Variants in CEMIP2 observed in about 807,000 individuals in gnomAD.
CEMIP2 encodes the protein cell surface hyaluronidase CEMIP2.
A neutral mutation model predicts 146.9 loss-of-function variants in CEMIP2; 79 were observed. The ratio of observed to expected loss-of-function variants is 0.54; its 90% CI spans 0.45 to 0.65. CEMIP2 has a LOEUF of 0.65. Ranked by LOEUF, CEMIP2 falls within the 30% of genes least tolerant of loss-of-function variation. The pLI, the probability that CEMIP2 is intolerant of heterozygous loss-of-function variation, is 0.00. For synonymous variants in CEMIP2, 601 were observed against 606.3 expected, an observed-to-expected ratio of 0.99 and a Z score of 0.13; for missense variants, 1,596 against 1,696.2, an observed-to-expected ratio of 0.94 and a Z score of 1.04.
intron 1 of CEMIP2, among the ~76,000 whole-genome samples, chr9:71,766,798 A>G (rs535520155): frequency 6.6e-6 from 1 of 152,330 alleles, no homozygotes; most frequent in East Asian, 1.9e-4. Flanking sequence ...ATTCGCTTCT[A>G]ATCTTAGTTT....
rs59985618 is a variant in CEMIP2, at chr9:71,732,686, A to ATTTTTTTTTTTT, written c.1394-178_1394-167dup. Among the ~76,000 whole-genome samples, 12 of 75,878 alleles carry ATTTTTTTTTTTT rather than the reference A, an allele frequency of 1.6e-4. 1 individual carries two copies. Among genetic ancestry groups the ATTTTTTTTTTTT allele is most frequent in the African/African-American group, 3.7e-4 (6 of 16,098 alleles). The allele number at this position is 75,878 out of a possible 152,430, so 49.8% of individuals were successfully genotyped here. A position where few individuals can be genotyped will look rare whatever the true frequency, so the allele number is the denominator to read the frequency against. On this transcript the variant is annotated intron_variant, in intron 6 of 23. Transcript: ENST00000377044. ...GAATCAGAATCCCAGGACACGGGGAATTTTTTTTTTTTTTTTTTTTTTTTT... is the reference window on the plus strand; with the variant it reads ...GAATCAGAATCCCAGGACACGGGGAATTTTTTTTTTTTTTTTTTTTTTTTTTTTTTTTTTTTT...
At position 71,725,038 on chromosome 9, in the gene CEMIP2, G is replaced by A. The variant is rs544769311; in HGVS notation, c.2178+543C>T. On this transcript the variant is annotated intron_variant, in intron 11 of 23. Coordinates refer to ENST00000377044, the MANE Select transcript of CEMIP2 (RefSeq NM_013390.3). ...GTATGTGTTGCACATACCTGTATGCGCAATAGGTATGTATAAATGGAATGC... is the reference window on the plus strand; with the variant it reads ...GTATGTGTTGCACATACCTGTATGCACAATAGGTATGTATAAATGGAATGC... Among the ~76,000 whole-genome samples, 31 of 136,570 alleles carry A rather than the reference G, an allele frequency of 2.3e-4. No homozygotes were observed. The South Asian group carries it at 5.7e-3, about 25-fold the overall frequency. The allele number at this position is 136,570 out of a possible 152,430, so 89.6% of individuals were successfully genotyped here.
At position 71,694,537 on chromosome 9, in the gene CEMIP2, G is replaced by A. The variant is rs754669637; in HGVS notation, c.3668C>T (p.Thr1223Ile). ...VQFQSPDKAE[T>I]QRGDPSVISV... ...AATAACAGACGGGTCTCCACGCTGG[G>A]TTTCTGCTTTATCAGGTGACTGGAA... The change falls in exon 21 of 24, where the codon ACC (threonine) becomes ATC (isoleucine). Residue 1223 changes from threonine (T) to isoleucine (I), a missense_variant. Physicochemically the swap from Thr to Ile is moderately conservative, Grantham distance 89. Coordinates refer to ENST00000377044, the MANE Select transcript of CEMIP2 (RefSeq NM_013390.3). 3.7e-6 allele frequency: 6 copies of A among 1,613,740 alleles called. No individual in the cohort carries two copies. Among genetic ancestry groups the A allele is most frequent in the Admixed American group, 3.3e-5 (2 of 59,992 alleles).
chr9:71,732,529 T>G lies in CEMIP2; in HGVS notation c.1394-9A>C, dbSNP rs567746520. 1 of 1,577,202 alleles carries G rather than the reference T, an allele frequency of 6.3e-7. No individual in the cohort carries two copies. Among genetic ancestry groups the G allele is most frequent in the African/African-American group, 1.4e-5 (1 of 72,486 alleles). ...CAGGAACTGAGGGGTTTCTGGTTGA[T>G]ATGAGCAAGGAAAAAAAAGAATATT... On this transcript the variant is annotated splice_polypyrimidine_tract_variant and intron_variant, in intron 6 of 23. Transcript: ENST00000377044.
chr9:71,748,691 A>G (rs1824158533), intron 2 of CEMIP2, among the ~76,000 whole-genome samples: 1 of 152,204 alleles, frequency 6.6e-6, no homozygotes, highest in Admixed American at 6.5e-5. Context: ...GTCATACCGC[A>G]TGCAATGGAA....
At chr9:71,748,832 A>G (rs750941998) in intron 2 of CEMIP2, among the ~76,000 whole-genome samples, 2 of 152,256 alleles carry the variant, frequency 1.3e-5, no homozygotes, top group Non-Finnish European at 2.9e-5. Flanking sequence ...TTAAAATTTT[A>G]AAAATCCCTT....
intron 7 of CEMIP2, among the ~76,000 whole-genome samples, chr9:71,731,731 C>A (rs1404002482): frequency 4.6e-4 from 64 of 138,478 alleles, no homozygotes; most frequent in Middle Eastern, 3.7e-3. Flanking sequence ...GACTGTATCT[C>A]AAAAAAAAAA....
At chr9:71,724,945 G>A (rs1208259214) in intron 11 of CEMIP2, among the ~76,000 whole-genome samples, 1 of 152,084 alleles carries the variant, frequency 6.6e-6, no homozygotes, top group Non-Finnish European at 1.5e-5. Context: ...GAGGTGAGAA[G>A]AAACAAGGGA....
At position 71,702,171 on chromosome 9, in the gene CEMIP2, T is replaced by C. The variant is rs564576570; in HGVS notation, c.3195-1347A>G. 7.3e-4 allele frequency among the ~76,000 whole-genome samples: 108 copies of C among 148,800 alleles called. 2 individuals carry two copies. The South Asian group carries it at 0.022, about 31-fold the overall frequency. On this transcript the variant is annotated intron_variant, in intron 18 of 23. Coordinates refer to ENST00000377044, the MANE Select transcript of CEMIP2 (RefSeq NM_013390.3). ...TACCTGGGAGGCTTAGGTAGGAGGATCAACTTAACCCAGGAGGCGGAGGTT... is the reference window on the plus strand; with the variant it reads ...TACCTGGGAGGCTTAGGTAGGAGGACCAACTTAACCCAGGAGGCGGAGGTT...
At chr9:71,723,563 C>A (rs1270418172) in intron 11 of CEMIP2, among the ~76,000 whole-genome samples, 1 of 152,134 alleles carries the variant, frequency 6.6e-6, no homozygotes, top group African/African-American at 2.4e-5. Flanking sequence ...ATTTTTGGTT[C>A]AGGCCACAGC....
intron 5 of CEMIP2, among the ~76,000 whole-genome samples, chr9:71,739,556 C>T (rs1181623708): frequency 6.6e-6 from 1 of 151,966 alleles, no homozygotes; most frequent in East Asian, 1.9e-4. Context: ...TTGATTCCAG[C>T]TTCCTCATCC....
chr9:71,732,686 A>ATTTTTTTTTTTTTTTTTTT (rs59985618), intron 6 of CEMIP2, among the ~76,000 whole-genome samples, 166 bp from the exon 7 acceptor site: 7 of 75,878 alleles, frequency 9.2e-5, no homozygotes, highest in African/African-American at 3.7e-4. Context: ...GACACGGGGA[A>ATTTTTTTTTTTTTTTTTTT]TTTTTTTTTT....
At chr9:71,689,173 G>A (rs1302247529) in intron 22 of CEMIP2, among the ~76,000 whole-genome samples, 1 of 152,174 alleles carries the variant, frequency 6.6e-6, no homozygotes, top group Non-Finnish European at 1.5e-5. Flanking sequence ...CTGTACAAGT[G>A]TCTTAAGCCA....
At position 71,746,081 on chromosome 9, in the gene CEMIP2, A is replaced by G. The variant is rs1824077762; in HGVS notation, c.472+120T>C. On this transcript the variant is annotated intron_variant, in intron 3 of 23. Transcript: ENST00000377044. ...GATCTTTCCAAATCTCCATGGTTAG[A>G]GTGACACCACAAACTAAAGCCTATT... is the stretch of plus-strand genomic sequence containing the variant. 1.0e-5 allele frequency: 11 copies of G among 1,104,504 alleles called. No individual in the cohort carries two copies. The South Asian group carries it at 1.8e-4, about 18-fold the overall frequency. 68.4% of individuals were successfully genotyped at this position (1,104,504 alleles called of 1,614,324 possible).
rs72737983 is a variant in CEMIP2, at chr9:71,736,642, T to A, written c.1205-1648A>T. Among the ~76,000 whole-genome samples the A allele has an allele frequency of 4.6e-3, 701 of 152,358 alleles. 43 individuals are homozygous for A. The South Asian group carries it at 0.12, about 27-fold the overall frequency. ...GAACTGAAAATCTGATCCAACTTCA[T>A]AACTTGGCTTCTTTTACATGCTATC... On this transcript the variant is annotated intron_variant, in intron 5 of 23. Transcript: ENST00000377044.
At position 71,762,503 on chromosome 9, in the gene CEMIP2, C is replaced by CAAAAAAAAAAAAAA. The variant is rs58090104; in HGVS notation, c.-13+5840_-13+5853dup. The stretch of plus-strand genomic sequence containing the variant: ...CAAGACCCCATGCCAGCCCCGTCAC[C>CAAAAAAAAAAAAAA]AAAAAAAAAAAAAAAAAAAAAAACT... On this transcript the variant is annotated intron_variant, in intron 1 of 23. Transcript: ENST00000377044. Among the ~76,000 whole-genome samples, 11 of 79,738 alleles carry CAAAAAAAAAAAAAA rather than the reference C, an allele frequency of 1.4e-4. 3 individuals carry two copies. Among genetic ancestry groups the CAAAAAAAAAAAAAA allele is most frequent in the African/African-American group, 4.7e-4 (9 of 19,352 alleles). 52.3% of individuals were successfully genotyped at this position (79,738 alleles called of 152,430 possible).
chr9:71,706,295 T>C (rs1411410151), intron 17 of CEMIP2, among the ~76,000 whole-genome samples: 1 of 151,604 alleles, frequency 6.6e-6, no homozygotes, highest in Non-Finnish European at 1.5e-5. Context: ...AGTTAAATCA[T>C]GATCATTCTA....
Position 71,685,747 on chromosome 9 carries a change from G to C in CEMIP2, c.3951C>G (p.Asp1317Glu), listed in dbSNP as rs1433160424. The C allele has an allele frequency of 6.2e-7, 1 of 1,611,678 alleles. No individual in the cohort carries two copies. Among genetic ancestry groups the C allele is most frequent in the African/African-American group, 1.3e-5 (1 of 74,850 alleles). Reference sequence around the variant, plus strand: ...TGAAATAATACAAATACAAACCTTTGTCATAAAGATGAGCTGGTTTGGCTA... The same window carrying C: ...TGAAATAATACAAATACAAACCTTTCTCATAAAGATGAGCTGGTTTGGCTA... ...LGLAKPAHLYDKGSTIFLGFS... is the reference protein window; with the variant it reads ...LGLAKPAHLYEKGSTIFLGFS... Residue 1317 changes from aspartate (D) to glutamate (E), a missense_variant, in exon 23 of 24, where the codon GAC becomes GAG. Coordinates refer to ENST00000377044, the MANE Select transcript of CEMIP2 (RefSeq NM_013390.3).
intron 1 of CEMIP2, 31 bp from the exon 2 acceptor site, chr9:71,750,416 T>C (rs1282796861): frequency 7.0e-7 from 1 of 1,425,542 alleles, no homozygotes. Flanking sequence ...TAAGCTTCAG[T>C]ATGTGTAAAT....
Sources: gnomAD v4.1 joint callset for allele counts (sites outside exome capture counted in the v4.1 genomes callset) on GRCh38, gnomAD v4.1.1 for gene constraint, MANE v1.5 for transcripts, NCBI Gene and HGNC (gene_info 2026-07-23, HGNC 2026-07-21) for gene names.